PMFBP1: variants seen among roughly 807,000 people sequenced by gnomAD.
PMFBP1 encodes polyamine-modulated factor 1-binding protein 1.
PMFBP1 carries 131 observed loss-of-function variants against 137.8 expected under a neutral mutation model. That is an observed-to-expected ratio of 0.95 (90% CI 0.82 to 1.10). PMFBP1 has a LOEUF of 1.10. Ranked by LOEUF, PMFBP1 falls within the 50% of genes least tolerant of loss-of-function variation. The pLI, the probability that PMFBP1 is intolerant of heterozygous loss-of-function variation, is 0.00. For synonymous variants in PMFBP1, 490 were observed against 450.4 expected, an observed-to-expected ratio of 1.09 and a Z score of -1.11; for missense variants, 1,199 against 1,175.4, an observed-to-expected ratio of 1.02 and a Z score of -0.29.
At chr16:72,207,117 A>G in the PMFBP1 span, among the ~76,000 whole-genome samples, 2 of 152,120 alleles carry the variant, frequency 1.3e-5, no homozygotes, top group East Asian at 1.9e-4. Flanking sequence ...GAGATTTTCA[A>G]GTGGAGACAG....
At chr16:72,199,857 A>G in the PMFBP1 span, among the ~76,000 whole-genome samples, 1 of 152,162 alleles carries the variant, frequency 6.6e-6, no homozygotes, top group African/African-American at 2.4e-5. Flanking sequence ...AGAGAAGTCA[A>G]GAAGAGAGGG....
intron 17 of PMFBP1, among the ~76,000 whole-genome samples, chr16:72,123,892 C>A (rs2042413928): frequency 2.0e-5 from 3 of 152,196 alleles, no homozygotes; most frequent in Admixed American, 2.0e-4. Context: ...GATTTGTACA[C>A]TTATAATCAC....
At chr16:72,233,084 A>G in the PMFBP1 span, among the ~76,000 whole-genome samples, 3 of 152,144 alleles carry the variant, frequency 2.0e-5, no homozygotes, top group Admixed American at 6.6e-5. Context: ...AATCATTTCT[A>G]TAAGTTGCTA....
chr16:72,159,076 C>T (rs1269045608), intron 3 of PMFBP1, among the ~76,000 whole-genome samples: 1 of 152,200 alleles, frequency 6.6e-6, no homozygotes, highest in Non-Finnish European at 1.5e-5. Context: ...GTGTGTATGA[C>T]CCTGCTGAAA....
At chr16:72,187,118 A>T in the PMFBP1 span, among the ~76,000 whole-genome samples, 2 of 151,716 alleles carry the variant, frequency 1.3e-5, no homozygotes, top group Non-Finnish European at 2.9e-5. Context: ...ATCTCAAAAA[A>T]AAAAAAAATA....
the PMFBP1 span, among the ~76,000 whole-genome samples, chr16:72,240,947 AAG>A: frequency 1.5e-3 from 194 of 131,212 alleles, 3 homozygotes; most frequent in East Asian, 0.026. Flanking sequence ...GAGAGCGTGC[AAG>A]AGAGAGAGAG....
chr16:72,145,450 C>G (rs1362051430), intron 5 of PMFBP1, among the ~76,000 whole-genome samples: 1 of 152,060 alleles, frequency 6.6e-6, no homozygotes, highest in Admixed American at 6.6e-5. Context: ...AGTTGACACC[C>G]TAACATCACA....
At chr16:72,195,939 G>A in the PMFBP1 span, among the ~76,000 whole-genome samples, 2 of 151,914 alleles carry the variant, frequency 1.3e-5, no homozygotes, top group Non-Finnish European at 2.9e-5. Flanking sequence ...AGTAAAGACT[G>A]TAAGTGTGTT....
At chr16:72,191,258 G>A in the PMFBP1 span, among the ~76,000 whole-genome samples, 2 of 152,112 alleles carry the variant, frequency 1.3e-5, no homozygotes, top group African/African-American at 4.8e-5. Context: ...TATAGTTAAA[G>A]GTGTTAAGAA....
the PMFBP1 span, among the ~76,000 whole-genome samples, chr16:72,184,660 T>C: frequency 1.3e-5 from 2 of 152,316 alleles, no homozygotes; most frequent in South Asian, 4.1e-4. Flanking sequence ...GTAGCCCAAC[T>C]CTGGAATTTG....
At position 72,165,670 on chromosome 16, in the gene PMFBP1, G is replaced by C. The variant is rs571689014; in HGVS notation, c.13-754C>G. Among the ~76,000 whole-genome samples the C allele has an allele frequency of 5.9e-5, 9 of 152,016 alleles. No individual in the cohort carries two copies. In the East Asian group the frequency reaches 1.7e-3, roughly 30 times the overall value. ...CCTGACCTCGTGATGTGCCCATCTT[G>C]GCCTCCCAAAGTGCTGGGATTACAG... On this transcript the variant is annotated intron_variant, in intron 2 of 20. Transcript: ENST00000237353.
At chr16:72,176,564 T>C (rs781532078), upstream of PMFBP1, among the ~76,000 whole-genome samples, 2 of 152,230 alleles carry the variant, frequency 1.3e-5, no homozygotes, top group Non-Finnish European at 2.9e-5. Context: ...TGCACAGCTC[T>C]TTGTTCTTCC....
chr16:72,160,160 A>C (rs1467371053), intron 3 of PMFBP1, among the ~76,000 whole-genome samples: 2 of 152,220 alleles, frequency 1.3e-5, no homozygotes, highest in Non-Finnish European at 2.9e-5. Flanking sequence ...GAAGGAAATT[A>C]ATTGGCCTGG....
the PMFBP1 span, among the ~76,000 whole-genome samples, chr16:72,244,365 T>C: frequency 5.3e-5 from 8 of 152,278 alleles, no homozygotes; most frequent in East Asian, 3.9e-4. Flanking sequence ...GTCCCTGTTA[T>C]GTGTAAGTGG....
chr16:72,177,881 T>G (rs1002552592), upstream of PMFBP1, among the ~76,000 whole-genome samples: 1 of 152,098 alleles, frequency 6.6e-6, no homozygotes, highest in Non-Finnish European at 1.5e-5. Flanking sequence ...GCCCCTCAAT[T>G]TGAATTTGCC....
chr16:72,133,611 C>T (rs1326407180), intron 9 of PMFBP1, among the ~76,000 whole-genome samples: 2 of 152,184 alleles, frequency 1.3e-5, no homozygotes, highest in East Asian at 3.9e-4. Context: ...ACCTCAGTCT[C>T]CCTGTTACAG....
chr16:72,200,599 T>C, the PMFBP1 span, among the ~76,000 whole-genome samples: 17 of 152,386 alleles, frequency 1.1e-4, 1 homozygote, highest in Middle Eastern at 0.02. Context: ...AAGCATTTTA[T>C]TCCTGATGAA....
downstream of PMFBP1, among the ~76,000 whole-genome samples, chr16:72,117,363 T>G (rs2042318540): frequency 6.6e-6 from 1 of 152,234 alleles, no homozygotes. Flanking sequence ...TGTATCCTGT[T>G]ACTTTGCTGA....
intron 3 of PMFBP1, 137 bp from the exon 4 acceptor site, chr16:72,154,596 T>G: frequency 9.7e-7 from 1 of 1,028,640 alleles, no homozygotes; most frequent in South Asian, 1.7e-5. Context: ...ACAGAGATCT[T>G]ATTAAACATT....
Sources: gnomAD v4.1 joint callset for allele counts (sites outside exome capture counted in the v4.1 genomes callset) on GRCh38, gnomAD v4.1.1 for gene constraint, MANE v1.5 for transcripts, NCBI Gene and HGNC (gene_info 2026-07-23, HGNC 2026-07-21) for gene names.